LATS1: variants seen among roughly 807,000 people sequenced by gnomAD.
The protein encoded by LATS1 is serine/threonine-protein kinase LATS1.
A neutral mutation model predicts 106.6 loss-of-function variants in LATS1; 25 were observed. The observed-to-expected ratio is 0.23, with a 90% CI of 0.17 to 0.33. The LOEUF is 0.33. Ranked by LOEUF, LATS1 falls within the 10% of genes least tolerant of loss-of-function variation. LATS1 has a pLI of 1.00. For missense variants in LATS1, 1,040 were observed against 1,382.6 expected (o/e 0.75, Z 3.93); for synonymous variants, 465 against 455.6 (o/e 1.02, Z -0.26).
At chr6:149,703,484 G>T (rs1783581386) in intron 1 of LATS1, among the ~76,000 whole-genome samples, 1 of 152,150 alleles carries the variant, frequency 6.6e-6, no homozygotes, top group African/African-American at 2.4e-5. Context: ...TCTCATGAAT[G>T]GCTTAGCTGG....
At chr6:149,692,184 A>G (rs560983292) in intron 3 of LATS1, among the ~76,000 whole-genome samples, 2 of 152,322 alleles carry the variant, frequency 1.3e-5, no homozygotes, top group Admixed American at 6.5e-5. Flanking sequence ...TGCTCTTAGC[A>G]TAAAATTAAT....
chr6:149,667,271 A>C (rs1413826190), intron 7 of LATS1, among the ~76,000 whole-genome samples: 3 of 151,692 alleles, frequency 2.0e-5, no homozygotes, highest in African/African-American at 7.2e-5. Context: ...CCCTGTCTTA[A>C]TAAAAATACA....
intron 3 of LATS1, among the ~76,000 whole-genome samples, chr6:149,688,251 T>C (rs1462466655): frequency 6.6e-6 from 1 of 152,116 alleles, no homozygotes. Flanking sequence ...CCCTCTCTAT[T>C]CTTTTTCTCT....
rs1491407237 is a variant in LATS1 at position 149,704,885 on chromosome 6, T to TACACAC, written c.-140-2620_-140-2619insGTGTGT. On this transcript the variant is annotated intron_variant, in intron 1 of 7. Coordinates refer to ENST00000543571, the MANE Select transcript of LATS1 (RefSeq NM_004690.4). ...AAAATTTATATTTATAGAAATTAAT[T>TACACAC]ATACACACACACACACACACACACA... is the stretch of plus-strand genomic sequence containing the variant. Among the ~76,000 whole-genome samples, 393 of 64,054 alleles carry TACACAC rather than the reference T, an allele frequency of 6.1e-3. 2 individuals carry two copies. The highest frequency in any genetic ancestry group is 0.023 in the African/African-American group (368 of 16,116). 42.0% of individuals were successfully genotyped at this position (64,054 alleles called of 152,430 possible).
In LATS1 at chr6:149,677,542, TA is replaced by T. The variant is rs372504200; in HGVS notation, c.2594-806del. Among the ~76,000 whole-genome samples, 40 of 149,466 alleles carry T rather than the reference TA, an allele frequency of 2.7e-4. 1 individual carries two copies. In the South Asian group the frequency reaches 7.6e-3, roughly 29 times the overall value. ...AAGATAACAGTATCTGATTTATGCT[TA>T]AAAAAAAAAGTTCTTTATGGGTCAT... is the stretch of plus-strand genomic sequence containing the variant. On this transcript the variant is annotated intron_variant, in intron 5 of 7. Transcript: ENST00000543571.
intron 3 of LATS1, among the ~76,000 whole-genome samples, chr6:149,693,195 G>A (rs530081020): frequency 5.9e-4 from 90 of 152,056 alleles, no homozygotes; most frequent in Middle Eastern, 3.4e-3. Flanking sequence ...CCCGGGAGGC[G>A]GAGGTTGGGA....
rs753559984 is a variant in LATS1, at chr6:149,676,247, T to C, written c.2883+13A>G. On this transcript the variant is annotated intron_variant, in intron 7 of 7. Transcript: ENST00000543571. Reference sequence around the variant, plus strand: ...TTTGTGAGAATTCTTTTGATATAGATGCCATACCTTACCTTCATTTGTGTT... The same window carrying C: ...TTTGTGAGAATTCTTTTGATATAGACGCCATACCTTACCTTCATTTGTGTT... 3 of 1,528,342 alleles carry C rather than the reference T, an allele frequency of 2.0e-6. No individual in the cohort carries two copies. The South Asian group carries it at 3.4e-5, about 17-fold the overall frequency. The allele number at this position is 1,528,342 out of a possible 1,614,324, so 94.7% of individuals were successfully genotyped here. A position where few individuals can be genotyped will look rare whatever the true frequency, so the allele number is the denominator to read the frequency against.
chr6:149,692,402 T>C (rs1309676608), intron 3 of LATS1, among the ~76,000 whole-genome samples: 1 of 152,182 alleles, frequency 6.6e-6, no homozygotes, highest in East Asian at 1.9e-4. Context: ...AGGGTTTTTC[T>C]GAACTTCTTG....
intron 7 of LATS1, among the ~76,000 whole-genome samples, chr6:149,667,549 A>G (rs1011890913): frequency 4.6e-5 from 7 of 152,022 alleles, no homozygotes; most frequent in Non-Finnish European, 8.8e-5. Context: ...TATAAGTAGA[A>G]CTTCAGGAAT....
chr6:149,701,230 TG>T (rs1783444146), intron 2 of LATS1, among the ~76,000 whole-genome samples: 1 of 152,216 alleles, frequency 6.6e-6, no homozygotes, highest in Non-Finnish European at 1.5e-5. Flanking sequence ...ATTAAATATA[TG>T]GGTTATGAAA....
chr6:149,687,223 T>C (rs886406916), intron 3 of LATS1, among the ~76,000 whole-genome samples: 2 of 151,986 alleles, frequency 1.3e-5, no homozygotes, highest in African/African-American at 4.8e-5. Context: ...CCTGTGTAGC[T>C]GGGATTACAG....
chr6:149,712,365 A>C (rs1400100080), intron 1 of LATS1, among the ~76,000 whole-genome samples: 1 of 151,848 alleles, frequency 6.6e-6, no homozygotes, highest in Non-Finnish European at 1.5e-5. Flanking sequence ...CACCCGGTTA[A>C]TTTTCTATTT....
intron 7 of LATS1, chr6:149,675,979 C>T (rs1781699258): frequency 2.8e-6 from 1 of 351,846 alleles, no homozygotes; most frequent in African/African-American, 2.1e-5. Flanking sequence ...CTGGTGAGTT[C>T]CTATACCCTT....
chr6:149,695,064 G>T lies in LATS1; in HGVS notation c.496+10C>A, dbSNP rs1291817196. ...GAAGAGATGAGAAAATAAAATATTT[G>T]ATTAATCACCTGGTTTCATGCTGGC... On this transcript the variant is annotated intron_variant, in intron 3 of 7. Coordinates refer to ENST00000543571, the MANE Select transcript of LATS1 (RefSeq NM_004690.4). 1.3e-6 allele frequency: 2 copies of T among 1,568,826 alleles called. No homozygotes were observed. Among genetic ancestry groups the T allele is most frequent in the Middle Eastern group, 1.7e-4 (1 of 5,850 alleles).
chr6:149,687,067 C>A (rs964165693), intron 3 of LATS1, among the ~76,000 whole-genome samples: 13 of 151,482 alleles, frequency 8.6e-5, no homozygotes, highest in Admixed American at 6.7e-5. Context: ...TATTAAGTAG[C>A]AACCTCACCA....
intron 1 of LATS1, among the ~76,000 whole-genome samples, chr6:149,710,179 T>C (rs1562359022): frequency 6.6e-6 from 1 of 152,170 alleles, no homozygotes. Context: ...CCCTAAAATG[T>C]ATAAAACCAA....
chr6:149,689,004 C>G (rs983954928), intron 3 of LATS1, among the ~76,000 whole-genome samples: 6 of 152,034 alleles, frequency 3.9e-5, no homozygotes, highest in Admixed American at 2.0e-4. Context: ...CCTGTCTCTA[C>G]TAAAAATACA....
chr6:149,665,951 G>C (rs1781119474), intron 7 of LATS1, among the ~76,000 whole-genome samples: 2 of 151,812 alleles, frequency 1.3e-5, no homozygotes, highest in African/African-American at 4.8e-5. Flanking sequence ...AGACCAGCCT[G>C]GCCAACATAG....
intron 7 of LATS1, chr6:149,675,604 T>C (rs1442320023): frequency 6.6e-6 from 1 of 152,250 alleles, no homozygotes; most frequent in African/African-American, 2.4e-5. Flanking sequence ...TCACCCAGGG[T>C]GGAGTGCGAT....
Sources: gnomAD v4.1 joint callset for allele counts (sites outside exome capture counted in the v4.1 genomes callset) on GRCh38, gnomAD v4.1.1 for gene constraint, MANE v1.5 for transcripts, NCBI Gene and HGNC (gene_info 2026-07-23, HGNC 2026-07-21) for gene names.